RPL28: variants seen among roughly 807,000 people sequenced by gnomAD.
RPL28 encodes large ribosomal subunit protein eL28.
A neutral mutation model predicts 12.5 loss-of-function variants in RPL28; 4 were observed. That is an observed-to-expected ratio of 0.32 (90% CI 0.16 to 0.73). The LOEUF is 0.73. Ranked by LOEUF, RPL28 falls within the 30% of genes least tolerant of loss-of-function variation. The pLI is 0.66. For missense variants in RPL28, 214 were observed against 197.7 expected (o/e 1.08, Z -0.49); for synonymous variants, 91 against 72.5 (o/e 1.26, Z -1.30).
intron 3 of RPL28, chr19:55,387,164 C>A: frequency 6.2e-6 from 8 of 1,296,102 alleles, no homozygotes; most frequent in Non-Finnish European, 7.6e-6. Flanking sequence ...CCACTCCATA[C>A]ATTGTGCTGT....
chr19:55,388,947 G>A lies in RPL28; in HGVS notation c.*615G>A, dbSNP rs1379485325. The A allele has an allele frequency of 1.0e-6, 1 of 985,396 alleles. No homozygotes were observed. The highest frequency in any genetic ancestry group is 1.2e-6 in the Non-Finnish European group (1 of 830,040). 61.0% of individuals were successfully genotyped at this position (985,396 alleles called of 1,614,324 possible). ...GGGTACAGCCAGCAGGCATTGAGCA[G>A]CCTTAGCATTGTCCCCCTACTCCCG... is the stretch of plus-strand genomic sequence containing the variant. On this transcript the variant is annotated 3_prime_UTR_variant, in exon 5 of 5. Coordinates refer to ENST00000344063, the MANE Select transcript of RPL28 (RefSeq NM_000991.5).
chr19:55,393,671 C>T (rs1418606315), downstream of RPL28, among the ~76,000 whole-genome samples: 6 of 134,352 alleles, frequency 4.5e-5, no homozygotes, highest in South Asian at 2.3e-4. Context: ...CTTGCTCTGT[C>T]GCCCTGGCTG....
At chr19:55,393,606 C>G (rs949941678), downstream of RPL28, among the ~76,000 whole-genome samples, 1 of 151,790 alleles carries the variant, frequency 6.6e-6, no homozygotes, top group African/African-American at 2.4e-5. Flanking sequence ...TCCCCTCTAG[C>G]CCCTGCCCTG....
In RPL28 at chr19:55,389,550, G is replaced by A. The variant is rs2089969700; in HGVS notation, c.*1218G>A. 5 of 985,350 alleles carry A rather than the reference G, an allele frequency of 5.1e-6. No homozygotes were observed. The highest frequency in any genetic ancestry group is 6.1e-5 in the Admixed American group (1 of 16,270). The allele number at this position is 985,350 out of a possible 1,614,324, so 61.0% of individuals were successfully genotyped here. A position where few individuals can be genotyped will look rare whatever the true frequency, so the allele number is the denominator to read the frequency against. On this transcript the variant is annotated 3_prime_UTR_variant, in exon 5 of 5. Coordinates refer to ENST00000344063, the MANE Select transcript of RPL28 (RefSeq NM_000991.5). ...CACCCCCGGCTCTGACTGAGAGTAA[G>A]GGGACTGTCAGGGCCTCGACTTGCC... is the stretch of plus-strand genomic sequence containing the variant.
chr19:55,386,038 C>G (rs549011727), intron 1 of RPL28, 73 bp downstream of exon 1: 13 of 361,198 alleles, frequency 3.6e-5, no homozygotes, highest in Non-Finnish European at 6.5e-5. Flanking sequence ...CTCTGCCTGC[C>G]TTCTCCCCTT....
rs1418739755 is a variant in RPL28 at position 55,388,349 on chromosome 19, G to A, written c.*17G>A. 13 of 1,492,932 alleles carry A rather than the reference G, an allele frequency of 8.7e-6. No homozygotes were observed. The highest frequency in any genetic ancestry group is 1.2e-5 in the Non-Finnish European group (13 of 1,123,540). The allele number at this position is 1,492,932 out of a possible 1,614,324, so 92.5% of individuals were successfully genotyped here. On this transcript the variant is annotated 3_prime_UTR_variant, in exon 5 of 5. Coordinates refer to ENST00000344063, the MANE Select transcript of RPL28 (RefSeq NM_000991.5). ...AGCTCCTGAGCCCCCTGCCCCCAGAGCAATAAAGTCAGCTGGCTTTCTCAC... is the reference window on the plus strand; with the variant it reads ...AGCTCCTGAGCCCCCTGCCCCCAGAACAATAAAGTCAGCTGGCTTTCTCAC...
chr19:55,392,751 G>C (rs530877294), downstream of RPL28, among the ~76,000 whole-genome samples: 1 of 151,804 alleles, frequency 6.6e-6, no homozygotes, highest in African/African-American at 2.4e-5. Context: ...GGATGGTCTC[G>C]ATCTCCTGAC....
chr19:55,386,602 C>T lies in RPL28; in HGVS notation c.114C>T (p.Phe38=), dbSNP rs745798441. ...EPNNLKARNS[F]RYNGLIHRKT... ...ATAACTTGAAGGCCCGCAATTCCTT[C>T]CGCTACAACGGACTGATTCACCGCA... The change falls in exon 3 of 5, where the codon TTC becomes TTT. Residue 38 remains phenylalanine (F), a synonymous_variant. Transcript: ENST00000344063. The T allele has an allele frequency of 1.2e-5, 19 of 1,611,160 alleles. No individual in the cohort carries two copies. The South Asian group carries it at 2.1e-4, about 18-fold the overall frequency.
chr19:55,392,220 T>C (rs775344020), downstream of RPL28: 15 of 525,144 alleles, frequency 2.9e-5, no homozygotes, highest in African/African-American at 1.2e-4. Flanking sequence ...TTCACACATA[T>C]GCATGCAGAT....
At chr19:55,396,812 C>T (rs953077567), downstream of RPL28, among the ~76,000 whole-genome samples, 20 of 151,116 alleles carry the variant, frequency 1.3e-4, no homozygotes, top group East Asian at 3.2e-3. Flanking sequence ...GATCTCCTGA[C>T]CTTGTGATCC....
intron 2 of RPL28, 47 bp downstream of exon 2, chr19:55,386,485 GTC>G: frequency 6.2e-7 from 1 of 1,608,202 alleles, no homozygotes; most frequent in Non-Finnish European, 8.5e-7. Flanking sequence ...AGGGTCCTGA[GTC>G]TCTTGACTCT....
chr19:55,401,557 C>T, intron 4 of RPL28: 2 of 1,610,446 alleles, frequency 1.2e-6, no homozygotes, highest in Non-Finnish European at 1.7e-6. Context: ...CCCTGGGGCC[C>T]CAGGGTCGGT....
chr19:55,402,976 A>C (rs1013693472), exon 5 of RPL28: 17 of 1,534,874 alleles, frequency 1.1e-5, no homozygotes, highest in Non-Finnish European at 1.5e-5. Flanking sequence ...GCAGGCTGTA[A>C]GCAGCCTGGA....
rs1307055020 is a variant in RPL28, at chr19:55,389,816, C to T, written c.*1484C>T. 2 of 984,608 alleles carry T rather than the reference C, an allele frequency of 2.0e-6. No individual in the cohort carries two copies. Among genetic ancestry groups the T allele is most frequent in the African/African-American group, 1.7e-5 (1 of 57,150 alleles). 61.0% of individuals were successfully genotyped at this position (984,608 alleles called of 1,614,324 possible). ...TGGGTGACTTGGTACCTGCTCAGGACCCCCCGCACTGTCCCAATCCCACTC... is the reference window on the plus strand; with the variant it reads ...TGGGTGACTTGGTACCTGCTCAGGATCCCCCGCACTGTCCCAATCCCACTC... On this transcript the variant is annotated 3_prime_UTR_variant, in exon 5 of 5. Coordinates refer to ENST00000344063, the MANE Select transcript of RPL28 (RefSeq NM_000991.5).
chr19:55,387,177 G>C (rs1325753604), intron 3 of RPL28: 5 of 1,321,012 alleles, frequency 3.8e-6, no homozygotes, highest in African/African-American at 1.5e-5. Context: ...TGTGCTGTCA[G>C]GTGCAGGCCT....
chr19:55,394,022 G>C (rs1412041305), downstream of RPL28, among the ~76,000 whole-genome samples: 1 of 151,740 alleles, frequency 6.6e-6, no homozygotes, highest in Non-Finnish European at 1.5e-5. Context: ...CAGCACTTTG[G>C]GAGGCCCAGG....
chr19:55,396,816 G>A (rs537067878), downstream of RPL28, among the ~76,000 whole-genome samples: 671 of 151,274 alleles, frequency 4.4e-3, 7 homozygotes, highest in African/African-American at 0.016. Context: ...TCCTGACCTT[G>A]TGATCCGCCC....
intron 4 of RPL28, among the ~76,000 whole-genome samples, chr19:55,402,131 T>G (rs1287034955): frequency 1.3e-5 from 2 of 152,204 alleles, no homozygotes; most frequent in African/African-American, 2.4e-5. Context: ...TTTGCCTCCA[T>G]GCAGTTCAGC....
At position 55,387,087 on chromosome 19, in the gene RPL28, C is replaced by A. The variant is rs61468173; in HGVS notation, c.205+394C>A. 8,744 of 1,416,012 alleles carry A rather than the reference C, an allele frequency of 6.2e-3. 500 individuals are homozygous for A. The African/African-American group carries it at 0.11, about 18-fold the overall frequency. The allele number at this position is 1,416,012 out of a possible 1,614,324, so 87.7% of individuals were successfully genotyped here. Reference sequence around the variant, plus strand: ...GCTACCACACTTAGGAGGGGACAGGCTGGGTTGGTTGCAGCCATTTGATTC... The same window carrying A: ...GCTACCACACTTAGGAGGGGACAGGATGGGTTGGTTGCAGCCATTTGATTC... On this transcript the variant is annotated intron_variant, in intron 3 of 4. Coordinates refer to ENST00000344063, the MANE Select transcript of RPL28 (RefSeq NM_000991.5).
Sources: gnomAD v4.1 joint callset for allele counts (sites outside exome capture counted in the v4.1 genomes callset) on GRCh38, gnomAD v4.1.1 for gene constraint, MANE v1.5 for transcripts, NCBI Gene and HGNC (gene_info 2026-07-23, HGNC 2026-07-21) for gene names.